The following RAB3IL1 variants were observed in gnomAD, a reference collection of about 807,000 sequenced individuals.
The protein encoded by RAB3IL1 is RAB3A interacting protein like 1, also known as guanine nucleotide exchange factor for Rab-3A.
In RAB3IL1, 37 loss-of-function variants were observed where a neutral mutation model predicts 49.2. That is an observed-to-expected ratio of 0.75 (90% CI 0.58 to 0.99). RAB3IL1 has a LOEUF of 0.99. Among genes scored for constraint, RAB3IL1 ranks in the 50% least tolerant of loss-of-function variants. RAB3IL1 has a pLI of 0.00. For missense variants in RAB3IL1, 484 were observed against 513.0 expected (o/e 0.94, Z 0.55); for synonymous variants, 193 against 213.9 (o/e 0.90, Z 0.85).
intron 4 of RAB3IL1, among the ~76,000 whole-genome samples, 167 bp downstream of exon 4, chr11:61,907,226 C>T (rs879735182): frequency 5.3e-5 from 8 of 152,234 alleles, no homozygotes; most frequent in Non-Finnish European, 8.8e-5. Context: ...GCCCTGTGAT[C>T]TCAGACCCCC....
At chr11:61,926,674 C>T in the RAB3IL1 span, among the ~76,000 whole-genome samples, 1 of 152,128 alleles carries the variant, frequency 6.6e-6, no homozygotes, top group African/African-American at 2.4e-5. Context: ...CTGCCTCAGC[C>T]TCCAGAGTAG....
intron 8 of RAB3IL1, among the ~76,000 whole-genome samples, chr11:61,901,396 C>T (rs1938907029): frequency 6.6e-6 from 1 of 152,198 alleles, no homozygotes; most frequent in Non-Finnish European, 1.5e-5. Context: ...CCTTGGCACT[C>T]ACGGCCGACT....
intron 1 of RAB3IL1, among the ~76,000 whole-genome samples, 177 bp from the exon 2 acceptor site, chr11:61,908,483 A>G (rs1012225379): frequency 6.6e-6 from 1 of 152,230 alleles, no homozygotes; most frequent in African/African-American, 2.4e-5. Context: ...GTCCAAGCAC[A>G]AAGTCTCTTG....
upstream of RAB3IL1, among the ~76,000 whole-genome samples, chr11:61,925,035 G>A (rs1939973460): frequency 6.6e-6 from 1 of 152,234 alleles, no homozygotes; most frequent in African/African-American, 2.4e-5. Flanking sequence ...AGAATGTGGG[G>A]TGAACTGGAG....
At chr11:61,908,386 G>A in intron 1 of RAB3IL1, 80 bp from the exon 2 acceptor site, 1 of 1,309,952 alleles carries the variant, frequency 7.6e-7, no homozygotes, top group Middle Eastern at 2.8e-4. Context: ...CCGCCCCGGG[G>A]CAATGTGCCT....
At chr11:61,931,200 A>G in the RAB3IL1 span, among the ~76,000 whole-genome samples, 1 of 152,168 alleles carries the variant, frequency 6.6e-6, no homozygotes, top group Non-Finnish European at 1.5e-5. Flanking sequence ...CTAGCATAAC[A>G]CTGGAGATTT....
the RAB3IL1 span, among the ~76,000 whole-genome samples, chr11:61,942,126 G>T: frequency 1.3e-5 from 2 of 152,018 alleles, no homozygotes; most frequent in African/African-American, 4.8e-5. Context: ...CAGGAGAATC[G>T]CTTGAAACCA....
chr11:61,921,750 C>T (rs1939913040), upstream of RAB3IL1, among the ~76,000 whole-genome samples: 1 of 152,148 alleles, frequency 6.6e-6, no homozygotes, highest in Non-Finnish European at 1.5e-5. Context: ...GCCACCCTGT[C>T]TTCATTTGGC....
rs373957080 is a variant in RAB3IL1 at position 61,904,794 on chromosome 11, C to A, written c.746G>T (p.Arg249Leu). 5.4e-5 allele frequency: 87 copies of A among 1,610,856 alleles called. No homozygotes were observed. The African/African-American group carries it at 8.4e-4, about 16-fold the overall frequency. Residue 249 changes from arginine to leucine, a missense_variant, in exon 6 of 10, where the codon CGA (arginine) becomes CTA (leucine). By Grantham distance (102) the Arg-to-Leu change is moderately radical (BLOSUM62 -2). Coordinates refer to ENST00000394836, the MANE Select transcript of RAB3IL1 (RefSeq NM_013401.4). ...KTCPFLERVYREDVGPCLDFT... is the reference protein window; with the variant it reads ...KTCPFLERVYLEDVGPCLDFT... ...GTCCAGGCAGGGGCCCACGTCCTCTCGGTACACCCTTTCCAGGAAGGGGCA... is the reference window on the plus strand; with the variant it reads ...GTCCAGGCAGGGGCCCACGTCCTCTAGGTACACCCTTTCCAGGAAGGGGCA...
the RAB3IL1 span, among the ~76,000 whole-genome samples, chr11:61,939,627 A>C: frequency 2.6e-5 from 4 of 151,504 alleles, no homozygotes; most frequent in Admixed American, 1.3e-4. Context: ...CTTTAGACTG[A>C]CCAAAAAAAA....
In RAB3IL1 at chr11:61,906,427, C is replaced by T; in HGVS notation, c.657+39G>A. 1 of 1,518,218 alleles carries T rather than the reference C, an allele frequency of 6.6e-7. No individual in the cohort carries two copies. Among genetic ancestry groups the T allele is most frequent in the Non-Finnish European group, 8.9e-7 (1 of 1,129,510 alleles). 94.0% of individuals were successfully genotyped at this position (1,518,218 alleles called of 1,614,324 possible). On this transcript the variant is annotated intron_variant, in intron 5 of 9. Coordinates refer to ENST00000394836, the MANE Select transcript of RAB3IL1 (RefSeq NM_013401.4). The surrounding 1 kb of genome is among the most constrained non-coding windows in gnomAD (Gnocchi z 4.6). ...GGACCCTGCCTACCGCAGGCACTGC[C>T]ACCCTTCCCCGTGCCCAGAGCCCGC...
At chr11:61,908,327 C>T (rs1939310864) in intron 1 of RAB3IL1, 21 bp from the exon 2 acceptor site, 4 of 1,450,222 alleles carry the variant, frequency 2.8e-6, no homozygotes, top group East Asian at 2.4e-5. Flanking sequence ...ACAAGGGTAT[C>T]AGCAGGTTCA....
intron 5 of RAB3IL1, among the ~76,000 whole-genome samples, chr11:61,905,950 G>C (rs1027210845): frequency 6.6e-6 from 1 of 152,208 alleles, no homozygotes; most frequent in African/African-American, 2.4e-5. Flanking sequence ...GGTGTGGCCA[G>C]CTGAGGTGGG....
Position 61,904,754 on chromosome 11 carries a change from C to G in RAB3IL1, c.786G>C (p.Glu262Asp). The change falls in exon 6 of 10, where the codon GAG becomes GAC. Residue 262 changes from glutamate (E) to aspartate (D), a missense_variant and splice_region_variant. Physicochemically the swap from Glu to Asp is conservative, Grantham distance 45. Transcript: ENST00000394836. Reference protein sequence around the residue: ...VGPCLDFTMQELSVLVRAAVE... With the variant: ...VGPCLDFTMQDLSVLVRAAVE... ...TGGCCCCGCCCCTGCCATGCCTCACCTCCTGCATTGTGAAGTCCAGGCAGG... is the reference window on the plus strand; with the variant it reads ...TGGCCCCGCCCCTGCCATGCCTCACGTCCTGCATTGTGAAGTCCAGGCAGG... 1.2e-6 allele frequency: 2 copies of G among 1,601,984 alleles called. No homozygotes were observed. The highest frequency in any genetic ancestry group is 1.7e-6 in the Non-Finnish European group (2 of 1,174,770).
the RAB3IL1 span, among the ~76,000 whole-genome samples, chr11:61,930,754 G>T: frequency 6.6e-6 from 1 of 152,128 alleles, no homozygotes; most frequent in Non-Finnish European, 1.5e-5. Context: ...CTCAGTCTGG[G>T]CAACACAGCA....
the RAB3IL1 span, among the ~76,000 whole-genome samples, chr11:61,927,597 T>C: frequency 6.6e-6 from 1 of 152,154 alleles, no homozygotes; most frequent in African/African-American, 2.4e-5. Context: ...GTATGTGGTA[T>C]GGTTTGGCTC....
At chr11:61,921,067 G>A (rs1939895034), upstream of RAB3IL1, among the ~76,000 whole-genome samples, 1 of 151,958 alleles carries the variant, frequency 6.6e-6, no homozygotes, top group Non-Finnish European at 1.5e-5. Context: ...CCGTCACCCA[G>A]GCTGGAGGGC....
chr11:61,945,417 G>A, the RAB3IL1 span, among the ~76,000 whole-genome samples: 12 of 152,172 alleles, frequency 7.9e-5, no homozygotes, highest in East Asian at 7.7e-4. Context: ...GAAGCGAACC[G>A]CAGGAGCATC....
chr11:61,933,976 C>T, the RAB3IL1 span, among the ~76,000 whole-genome samples: 1 of 151,812 alleles, frequency 6.6e-6, no homozygotes, highest in East Asian at 1.9e-4. Context: ...AGAAAGATGG[C>T]TATTAAGGCT....
Sources: gnomAD v4.1 joint callset for allele counts (sites outside exome capture counted in the v4.1 genomes callset) on GRCh38, gnomAD v4.1.1 for gene constraint, Gnocchi (gnomAD v3.1) non-coding constraint, MANE v1.5 for transcripts, NCBI Gene and HGNC (gene_info 2026-07-23, HGNC 2026-07-21) for gene names.